BRSK1: variants seen among roughly 807,000 people sequenced by gnomAD.
BRSK1 encodes the protein BR serine/threonine kinase 1, also known as serine/threonine-protein kinase BRSK1.
Under a neutral mutation model 86.2 loss-of-function variants are expected in BRSK1, and 17 were observed. That is an observed-to-expected ratio of 0.20 (90% CI 0.14 to 0.30). BRSK1 has a LOEUF of 0.30. BRSK1 is among the 10% of genes least tolerant of loss of function. The probability of loss-of-function intolerance (pLI) is 1.00; values close to 1 mark genes in which losing one functional copy is unlikely to be tolerated. For synonymous variants in BRSK1, 464 were observed against 440.1 expected, an observed-to-expected ratio of 1.05 and a Z score of -0.68; for missense variants, 719 against 1,071.9, an observed-to-expected ratio of 0.67 and a Z score of 4.60.
chr19:55,298,748 T>C (rs12973700), intron 7 of BRSK1, among the ~76,000 whole-genome samples: 10 of 152,138 alleles, frequency 6.6e-5, no homozygotes, highest in Non-Finnish European at 1.5e-4. Flanking sequence ...CATTTTTGTG[T>C]TGTTGGTGGC....
Position 55,308,735 on chromosome 19 carries a change from G to T in BRSK1, c.2179+7G>T. 6.5e-7 allele frequency: 1 copy of T among 1,540,076 alleles called. No homozygotes were observed. Among genetic ancestry groups the T allele is most frequent in the Non-Finnish European group, 8.8e-7 (1 of 1,142,276 alleles). On this transcript the variant is annotated splice_region_variant and intron_variant, in intron 18 of 18. Coordinates refer to ENST00000309383, the MANE Select transcript of BRSK1 (RefSeq NM_032430.2). ...TCCGTGCAGGCCCTGGCAGGTGGGT[G>T]GTGGGGCCGTGGGTGGTGGGGGGCG...
intron 7 of BRSK1, among the ~76,000 whole-genome samples, chr19:55,299,535 G>A (rs556730109): frequency 3.1e-4 from 47 of 151,850 alleles, no homozygotes; most frequent in African/African-American, 9.9e-4. Context: ...ACAGGCGCCC[G>A]CCACTTTGCC....
In BRSK1 at chr19:55,290,557, T is replaced by G. The variant is rs376557232; in HGVS notation, c.458+937T>G. Among the ~76,000 whole-genome samples the G allele has an allele frequency of 1.3e-4, 20 of 152,340 alleles. No homozygotes were observed. The South Asian group carries it at 2.5e-3, about 19-fold the overall frequency. Reference sequence around the variant, plus strand: ...AAGTCTGTGCCATGTTTTTACATTTTTATAAGTCTTGTGAAAAGCAAAAGA... The same window carrying G: ...AAGTCTGTGCCATGTTTTTACATTTGTATAAGTCTTGTGAAAAGCAAAAGA... On this transcript the variant is annotated intron_variant, in intron 4 of 18. Coordinates refer to ENST00000309383, the MANE Select transcript of BRSK1 (RefSeq NM_032430.2).
chr19:55,302,731 C>A lies in BRSK1; in HGVS notation c.892C>A (p.Pro298Thr). The A allele has an allele frequency of 6.2e-7, 1 of 1,612,654 alleles. No individual in the cohort carries two copies. The highest frequency in any genetic ancestry group is 8.5e-7 in the Non-Finnish European group (1 of 1,179,222). The change falls in exon 10 of 19, where the codon CCA becomes ACA. Residue 298 changes from proline (P) to threonine (T), a missense_variant. Around this residue, in one of 6 missense-constraint regions of BRSK1, gnomAD observed 168 missense variants for 246.3 expected, o/e 0.68. Transcript: ENST00000309383. This position sits in a 1 kb window ranked among gnomAD's most constrained non-coding sequence, Gnocchi z 6.3. ...GKHEPDPCLE[P>T]APGRRVAMRS... ...ACACGAGCCAGACCCGTGCCTGGAG[C>A]CAGCCCCTGGCCGCCGGGTAGCCAT...
In BRSK1 at chr19:55,302,708, A is replaced by G; in HGVS notation, c.869A>G (p.His290Arg). Residue 290 changes from histidine (H) to arginine (R), a missense_variant, in exon 10 of 19, where the codon CAC becomes CGC. Physicochemically the swap from His to Arg is conservative, Grantham distance 29. Coordinates refer to ENST00000309383, the MANE Select transcript of BRSK1 (RefSeq NM_032430.2). This position sits in a 1 kb window ranked among gnomAD's most constrained non-coding sequence, Gnocchi z 6.3. ...QKHPWYLGGK[H>R]EPDPCLEPAP... Reference sequence around the variant, plus strand: ...CTCCACTTCCCCAGAGGCGGGAAACACGAGCCAGACCCGTGCCTGGAGCCA... The same window carrying G: ...CTCCACTTCCCCAGAGGCGGGAAACGCGAGCCAGACCCGTGCCTGGAGCCA... 1 of 1,606,376 alleles carries G rather than the reference A, an allele frequency of 6.2e-7. No individual in the cohort carries two copies. The highest frequency in any genetic ancestry group is 8.5e-7 in the Non-Finnish European group (1 of 1,174,986).
At chr19:55,305,952 C>G (rs779855528) in intron 16 of BRSK1, among the ~76,000 whole-genome samples, 2 of 152,178 alleles carry the variant, frequency 1.3e-5, no homozygotes, top group Non-Finnish European at 2.9e-5. Flanking sequence ...ACAGATATGG[C>G]TATGGGAAGC....
chr19:55,295,806 T>C (rs2088478092), intron 7 of BRSK1, among the ~76,000 whole-genome samples: 1 of 151,980 alleles, frequency 6.6e-6, no homozygotes, highest in Non-Finnish European at 1.5e-5. Flanking sequence ...CCATCTCTAC[T>C]AGAAATACAA....
In BRSK1 at chr19:55,284,091, C is replaced by CG. The variant is rs1600165448; in HGVS notation, c.-345dup. ...GGAGGAGAGAGGGCGCGTGGGGGGG[C>CG]GGGGGGGACCTCGGCCTGCAGCATC... On this transcript the variant is annotated 5_prime_UTR_variant, in exon 1 of 19. The change abolishes the stop of an existing upstream ORF in the 5' untranslated region. Transcript: ENST00000309383. The CG allele has an allele frequency of 9.0e-6, 5 of 555,008 alleles. No individual in the cohort carries two copies. The highest frequency in any genetic ancestry group is 8.7e-5 in the South Asian group (1 of 11,500). 34.4% of individuals were successfully genotyped at this position (555,008 alleles called of 1,614,324 possible).
intron 18 of BRSK1, among the ~76,000 whole-genome samples, chr19:55,308,970 C>G (rs1002549151): frequency 1.3e-5 from 2 of 152,092 alleles, no homozygotes; most frequent in Non-Finnish European, 2.9e-5. Context: ...GCAGGTTCCC[C>G]GAGAGGCTGG....
chr19:55,284,631 G>A, intron 1 of BRSK1, 53 bp downstream of exon 1: 1 of 1,257,200 alleles, frequency 8.0e-7, no homozygotes, highest in South Asian at 3.2e-5. Context: ...GGAGGTGGCG[G>A]CAGAGGCGGG....
chr19:55,284,178 G>A lies in BRSK1; in HGVS notation c.-265G>A. 1.4e-6 allele frequency: 1 copy of A among 727,172 alleles called. No homozygotes were observed. The highest frequency in any genetic ancestry group is 1.9e-6 in the Non-Finnish European group (1 of 538,040). 45.0% of individuals were successfully genotyped at this position (727,172 alleles called of 1,614,324 possible). On this transcript the variant is annotated 5_prime_UTR_variant, in exon 1 of 19. Coordinates refer to ENST00000309383, the MANE Select transcript of BRSK1 (RefSeq NM_032430.2). ...GGCGCAGGAAGCGGGGGGCCGGCCA[G>A]AAACGGGCTGGGGAGGGGGGGCCCC...
chr19:55,296,617 T>C (rs1409810094), intron 7 of BRSK1, among the ~76,000 whole-genome samples: 2 of 152,092 alleles, frequency 1.3e-5, no homozygotes, highest in South Asian at 2.1e-4. Flanking sequence ...GAGGCCGAGG[T>C]GGGCGGATCA....
chr19:55,307,778 ACACACACAC>A (rs1330233479), intron 17 of BRSK1, among the ~76,000 whole-genome samples: 107 of 135,064 alleles, frequency 7.9e-4, no homozygotes, highest in African/African-American at 2.9e-3. Flanking sequence ...ACACACACAC[ACACACACAC>A]AATTTAAAAA....
chr19:55,291,808 G>A (rs1600174171), intron 4 of BRSK1, among the ~76,000 whole-genome samples: 1 of 152,186 alleles, frequency 6.6e-6, no homozygotes, highest in East Asian at 1.9e-4. Flanking sequence ...ACCCATCCTG[G>A]AGTGCAATGG....
chr19:55,290,672 T>C (rs1396433633), intron 4 of BRSK1, among the ~76,000 whole-genome samples: 2 of 151,654 alleles, frequency 1.3e-5, no homozygotes, highest in African/African-American at 2.4e-5. Context: ...GACGGAGTCT[T>C]GCTCTGTCAC....
In BRSK1 at chr19:55,308,820, GGGC is replaced by G. The variant is rs2088715966; in HGVS notation, c.2179+94_2179+96del. On this transcript the variant is annotated intron_variant, in intron 18 of 18. Coordinates refer to ENST00000309383, the MANE Select transcript of BRSK1 (RefSeq NM_032430.2). ...GGTGGCGGGGGGCGTGGGTGGCGGG[GGGC>G]GTGGGTGGCGGGGGCGGTGGGTGGC... is the stretch of plus-strand genomic sequence containing the variant. 8.9e-6 allele frequency: 3 copies of G among 335,806 alleles called. No individual in the cohort carries two copies. The South Asian group carries it at 9.8e-5, about 11-fold the overall frequency. The allele number at this position is 335,806 out of a possible 1,614,324, so 20.8% of individuals were successfully genotyped here.
chr19:55,284,518 C>A lies in BRSK1; in HGVS notation c.76C>A (p.Gln26Lys). 1.5e-6 allele frequency: 2 copies of A among 1,313,400 alleles called. No individual in the cohort carries two copies. Among genetic ancestry groups the A allele is most frequent in the Non-Finnish European group, 9.9e-7 (1 of 1,008,370 alleles). 81.4% of individuals were successfully genotyped at this position (1,313,400 alleles called of 1,614,324 possible). ...HLPHPHPHPP[Q>K]HAQYVGPYRL... ...CCCCCACCCCCACCCCCACCCACCCCAGCACGCCCAATATGTGGGCCCCTA... is the reference window on the plus strand; with the variant it reads ...CCCCCACCCCCACCCCCACCCACCCAAGCACGCCCAATATGTGGGCCCCTA... Residue 26 changes from glutamine (Q) to lysine (K), a missense_variant, in exon 1 of 19, where the codon CAG becomes AAG. By Grantham distance (53) the Gln-to-Lys change is moderately conservative. Coordinates refer to ENST00000309383, the MANE Select transcript of BRSK1 (RefSeq NM_032430.2).
Position 55,284,138 on chromosome 19 carries a change from C to G in BRSK1, c.-305C>G. The G allele has an allele frequency of 4.3e-6, 5 of 1,174,856 alleles. No individual in the cohort carries two copies. The highest frequency in any genetic ancestry group is 5.3e-6 in the Non-Finnish European group (5 of 937,112). The allele number at this position is 1,174,856 out of a possible 1,614,324, so 72.8% of individuals were successfully genotyped here. On this transcript the variant is annotated 5_prime_UTR_variant, in exon 1 of 19. Coordinates refer to ENST00000309383, the MANE Select transcript of BRSK1 (RefSeq NM_032430.2). ...CATCCGCCGGCCCGCACCTCAGACC[C>G]CCCCGGCGGGGGGAGGCGCAGGAAG...
rs372613673 is a variant in BRSK1, at chr19:55,299,370, G to GT, written c.679-2142_679-2141insT. Among the ~76,000 whole-genome samples the GT allele has an allele frequency of 1.0e-3, 130 of 126,912 alleles. 2 individuals are homozygous for GT. The highest frequency in any genetic ancestry group is 5.7e-3 in the South Asian group (23 of 4,046). 83.3% of individuals were successfully genotyped at this position (126,912 alleles called of 152,430 possible). A position where few individuals can be genotyped will look rare whatever the true frequency, so the allele number is the denominator to read the frequency against. On this transcript the variant is annotated intron_variant, in intron 7 of 18. Coordinates refer to ENST00000309383, the MANE Select transcript of BRSK1 (RefSeq NM_032430.2). ...CTGTATTGTTGTTATAATTTGTTTT[G>GT]GTTTTTTTTTTTGTTTTGTTTTTTG...
Sources: gnomAD v4.1 joint callset for allele counts (sites outside exome capture counted in the v4.1 genomes callset) on GRCh38, gnomAD v4.1.1 for gene constraint, gnomAD v4.1.1 regional missense constraint, Gnocchi (gnomAD v3.1) non-coding constraint, MANE v1.5 for transcripts, NCBI Gene and HGNC (gene_info 2026-07-23, HGNC 2026-07-21) for gene names.